The following ADAMTSL1 variants were observed in gnomAD, a reference collection of about 807,000 sequenced individuals.
ADAMTSL1 encodes ADAMTS like 1.
Under a neutral mutation model 201.8 loss-of-function variants are expected in ADAMTSL1, and 126 were observed. That is an observed-to-expected ratio of 0.62 (90% CI 0.54 to 0.72). The LOEUF is 0.72. ADAMTSL1 is among the 30% of genes least tolerant of loss of function. The probability of loss-of-function intolerance (pLI) is 0.00; values close to 1 mark genes in which losing one functional copy is unlikely to be tolerated. For missense variants in ADAMTSL1, 2,679 were observed against 2,277.8 expected (o/e 1.18, Z -3.59); for synonymous variants, 1,121 against 903.4 (o/e 1.24, Z -4.32).
At position 18,889,484 on chromosome 9, in the gene ADAMTSL1, T is replaced by G. The variant is rs367985667; in HGVS notation, c.4463-84T>G. The G allele has an allele frequency of 2.9e-5, 42 of 1,459,238 alleles. 2 individuals carry two copies. Among genetic ancestry groups the G allele is most frequent in the East Asian group, 1.7e-4 (7 of 40,860 alleles). 90.4% of individuals were successfully genotyped at this position (1,459,238 alleles called of 1,614,324 possible). A position where few individuals can be genotyped will look rare whatever the true frequency, so the allele number is the denominator to read the frequency against. On this transcript the variant is annotated intron_variant, in intron 24 of 28. Transcript: ENST00000380548. ...AGGCCACAAATCCACCCCTGTCACCTTCTCCCTGCCCTGCTCAGAAGGAAT... is the reference window on the plus strand; with the variant it reads ...AGGCCACAAATCCACCCCTGTCACCGTCTCCCTGCCCTGCTCAGAAGGAAT...
chr9:18,622,145 A>G, intron 4 of ADAMTSL1, 98 bp from the exon 5 acceptor site: 1 of 1,498,170 alleles, frequency 6.7e-7, no homozygotes, highest in Non-Finnish European at 9.0e-7. Flanking sequence ...TAGGCCCCTC[A>G]GGGATGAAGG....
chr9:18,013,065 G>C (rs1018144573), intron 1 of ADAMTSL1, among the ~76,000 whole-genome samples: 1 of 150,916 alleles, frequency 6.6e-6, no homozygotes, highest in Non-Finnish European at 1.5e-5. Context: ...TAGATTTTAA[G>C]TATCATAAGG....
At chr9:18,049,714 C>T (rs1195122982) in intron 1 of ADAMTSL1, among the ~76,000 whole-genome samples, 1 of 151,982 alleles carries the variant, frequency 6.6e-6, no homozygotes, top group African/African-American at 2.4e-5. Flanking sequence ...AGCCCCGCCT[C>T]CCGGGTTCAC....
chr9:18,248,082 A>G (rs1208553485), intron 2 of ADAMTSL1, among the ~76,000 whole-genome samples: 1 of 152,146 alleles, frequency 6.6e-6, no homozygotes, highest in Admixed American at 6.5e-5. Flanking sequence ...GTTACCAGGA[A>G]ACCTATCCCT....
chr9:18,805,693 C>CTGCCCA (rs978540845), intron 20 of ADAMTSL1, among the ~76,000 whole-genome samples: 3 of 152,042 alleles, frequency 2.0e-5, no homozygotes, highest in Non-Finnish European at 2.9e-5. Context: ...GCCCCTGCCC[C>CTGCCCA]CTGCAGGCAT....
chr9:18,869,418 A>T (rs1231882424), intron 23 of ADAMTSL1, among the ~76,000 whole-genome samples: 1 of 152,236 alleles, frequency 6.6e-6, no homozygotes, highest in Non-Finnish European at 1.5e-5. Flanking sequence ...CCTTTCTTCC[A>T]GGGATCACAG....
intron 2 of ADAMTSL1, among the ~76,000 whole-genome samples, chr9:18,364,509 T>A (rs1836681447): frequency 6.6e-6 from 1 of 152,040 alleles, no homozygotes; most frequent in Non-Finnish European, 1.5e-5. Context: ...GAGACACGAG[T>A]TCTTAACCAA....
chr9:18,716,244 A>C (rs961160614), intron 14 of ADAMTSL1, among the ~76,000 whole-genome samples: 8 of 152,130 alleles, frequency 5.3e-5, no homozygotes, highest in Middle Eastern at 3.2e-3. Context: ...AATGGGATCT[A>C]ATTAAACTAA....
At position 18,892,479 on chromosome 9, in the gene ADAMTSL1, T is replaced by C. The variant is rs1179874335; in HGVS notation, c.4734T>C (p.Ser1578=). The change falls in exon 26 of 29, where the codon TCT becomes TCC. Residue 1578 remains serine, a synonymous_variant. Transcript: ENST00000380548. ...RRVTCQKLKA[S]GISTPVSNDM... is the part of the protein sequence containing the mutation. Reference sequence around the variant, plus strand: ...TGACCTGTCAAAAGCTGAAAGCCTCTGGGATCTCCACCCCTGTGTCCAATG... The same window carrying C: ...TGACCTGTCAAAAGCTGAAAGCCTCCGGGATCTCCACCCCTGTGTCCAATG... The C allele has an allele frequency of 6.2e-7, 1 of 1,611,986 alleles. No individual in the cohort carries two copies. Among genetic ancestry groups the C allele is most frequent in the African/African-American group, 1.3e-5 (1 of 74,898 alleles).
intron 26 of ADAMTSL1, among the ~76,000 whole-genome samples, chr9:18,895,281 AAAC>A (rs1829552364): frequency 6.6e-6 from 1 of 152,254 alleles, no homozygotes; most frequent in African/African-American, 2.4e-5. Flanking sequence ...AGCATCAAAA[AAAC>A]AACTAGACAC....
chr9:18,479,046 G>A (rs774809380), intron 1 of ADAMTSL1, among the ~76,000 whole-genome samples: 1 of 152,280 alleles, frequency 6.6e-6, no homozygotes, highest in East Asian at 1.9e-4. Flanking sequence ...ATTGAAATAG[G>A]CCAGCACAGC....
chr9:18,543,060 C>G (rs1820246286), intron 3 of ADAMTSL1, among the ~76,000 whole-genome samples: 1 of 152,184 alleles, frequency 6.6e-6, no homozygotes, highest in African/African-American at 2.4e-5. Context: ...AGTCAGGTCT[C>G]TGGCAACTAT....
At chr9:18,467,599 C>T (rs1821055724) in intron 2 of ADAMTSL1, among the ~76,000 whole-genome samples, 1 of 152,172 alleles carries the variant, frequency 6.6e-6, no homozygotes, top group Middle Eastern at 3.4e-3. Flanking sequence ...TTGCAGTTAG[C>T]AGAAGGCTTT....
chr9:18,557,827 C>T (rs1448179054), intron 3 of ADAMTSL1, among the ~76,000 whole-genome samples: 1 of 152,022 alleles, frequency 6.6e-6, no homozygotes, highest in African/African-American at 2.4e-5. Context: ...CTATCAATCT[C>T]ACCCTTTCTC....
chr9:18,480,779 A>G (rs1821685749), intron 1 of ADAMTSL1, among the ~76,000 whole-genome samples: 1 of 152,226 alleles, frequency 6.6e-6, no homozygotes, highest in African/African-American at 2.4e-5. Flanking sequence ...AATTTACTGC[A>G]TACCTGAAGT....
At chr9:17,964,608 A>T (rs1485861734) in intron 1 of ADAMTSL1, among the ~76,000 whole-genome samples, 1 of 152,156 alleles carries the variant, frequency 6.6e-6, no homozygotes, top group Admixed American at 6.5e-5. Context: ...GTGTCAGTAA[A>T]ACTGTGGAAA....
At chr9:18,018,258 C>T (rs750087635) in intron 1 of ADAMTSL1, among the ~76,000 whole-genome samples, 102 of 151,970 alleles carry the variant, frequency 6.7e-4, no homozygotes, top group Non-Finnish European at 1.2e-3. Flanking sequence ...TGGTACTTAC[C>T]GTATAATGTT....
intron 2 of ADAMTSL1, among the ~76,000 whole-genome samples, chr9:18,350,801 C>T (rs1252976033): frequency 6.6e-6 from 1 of 152,080 alleles, no homozygotes; most frequent in Non-Finnish European, 1.5e-5. Flanking sequence ...AACAGTTTTC[C>T]ACCTCACAGT....
At chr9:18,243,883 G>A (rs544158547) in intron 2 of ADAMTSL1, among the ~76,000 whole-genome samples, 1 of 150,904 alleles carries the variant, frequency 6.6e-6, no homozygotes, top group East Asian at 2.0e-4. Context: ...TTGTACCAGT[G>A]GCACCAACTT....
Sources: gnomAD v4.1 joint callset for allele counts (sites outside exome capture counted in the v4.1 genomes callset) on GRCh38, gnomAD v4.1.1 for gene constraint, MANE v1.5 for transcripts, NCBI Gene and HGNC (gene_info 2026-07-23, HGNC 2026-07-21) for gene names.